The following TNR variants were observed in gnomAD, a reference collection of about 807,000 sequenced individuals.
The protein encoded by TNR is tenascin-R.
In TNR, 45 loss-of-function variants were observed where a neutral mutation model predicts 150.4. That is an observed-to-expected ratio of 0.30 (90% CI 0.24 to 0.38). The LOEUF (loss-of-function observed/expected upper bound fraction) is 0.38. TNR is among the 10% of genes least tolerant of loss of function. TNR has a pLI of 1.00. For synonymous variants in TNR, 687 were observed against 678.4 expected, an observed-to-expected ratio of 1.01 and a Z score of -0.20; for missense variants, 1,544 against 1,759.1, an observed-to-expected ratio of 0.88 and a Z score of 2.19.
chr1:175,667,634 C>G (rs1286519152), intron 1 of TNR, among the ~76,000 whole-genome samples: 1 of 152,294 alleles, frequency 6.6e-6, no homozygotes, highest in East Asian at 1.9e-4. Flanking sequence ...CTGGGAGATA[C>G]AGCAGCGAGA....
At chr1:175,717,926 C>A (rs537115093) in intron 1 of TNR, among the ~76,000 whole-genome samples, 4 of 152,308 alleles carry the variant, frequency 2.6e-5, no homozygotes, top group African/African-American at 9.6e-5. Context: ...CAGCTTCCCC[C>A]AGCAAGTGCT....
chr1:175,609,152 C>T (rs936315681), intron 1 of TNR, among the ~76,000 whole-genome samples: 1 of 152,200 alleles, frequency 6.6e-6, no homozygotes, highest in African/African-American at 2.4e-5. Flanking sequence ...GAGCTAAATA[C>T]TGGATGCACA....
chr1:175,322,851 T>C lies in TNR; in HGVS notation c.*506A>G, dbSNP rs1397445752. ...AAGGAAGGAAGGAAGGAAAAGAACC[T>C]GGGTTGTTGGGATGCGGTGTAGTTG... On this transcript the variant is annotated 3_prime_UTR_variant, in exon 23 of 23. Coordinates refer to ENST00000367674, the MANE Select transcript of TNR (RefSeq NM_003285.3). The C allele has an allele frequency of 6.6e-6, 1 of 151,882 alleles. No individual in the cohort carries two copies. The highest frequency in any genetic ancestry group is 1.5e-5 in the Non-Finnish European group (1 of 68,006). 9.4% of individuals were successfully genotyped at this position (151,882 alleles called of 1,614,324 possible). A position where few individuals can be genotyped will look rare whatever the true frequency, so the allele number is the denominator to read the frequency against.
chr1:175,567,857 G>T (rs1661703828), intron 1 of TNR, among the ~76,000 whole-genome samples: 1 of 151,920 alleles, frequency 6.6e-6, no homozygotes, highest in African/African-American at 2.4e-5. Context: ...GCTTCTGCCA[G>T]TCTCACAATT....
At chr1:175,403,007 G>A in intron 4 of TNR, 133 bp downstream of exon 4, 1 of 784,962 alleles carries the variant, frequency 1.3e-6, no homozygotes, top group East Asian at 2.5e-5. Context: ...AAGCAAATGA[G>A]TACAACTCAA....
intron 1 of TNR, among the ~76,000 whole-genome samples, chr1:175,699,584 G>A (rs1392274695): frequency 6.6e-6 from 1 of 152,092 alleles, no homozygotes; most frequent in Admixed American, 6.5e-5. Context: ...GGGAAGATGG[G>A]GAGAGGGACA....
chr1:175,591,758 T>G (rs1662807726), intron 1 of TNR, among the ~76,000 whole-genome samples: 1 of 152,224 alleles, frequency 6.6e-6, no homozygotes, highest in African/African-American at 2.4e-5. Flanking sequence ...ATTCTCTAAC[T>G]GGGTTCATGG....
At chr1:175,473,619 T>C (rs1657393222) in intron 2 of TNR, among the ~76,000 whole-genome samples, 1 of 152,172 alleles carries the variant, frequency 6.6e-6, no homozygotes. Flanking sequence ...TACAGAGCCT[T>C]GGACATGGGA....
At chr1:175,370,617 A>G (rs1264542004) in intron 9 of TNR, among the ~76,000 whole-genome samples, 4 of 152,132 alleles carry the variant, frequency 2.6e-5, no homozygotes, top group African/African-American at 7.2e-5. Flanking sequence ...ATCTCCATCA[A>G]TATGTTCAGT....
intron 2 of TNR, among the ~76,000 whole-genome samples, chr1:175,487,834 GTTA>G (rs1195859939): frequency 6.6e-6 from 1 of 152,128 alleles, no homozygotes. Context: ...TGTTATTTTA[GTTA>G]TTATTCTTAA....
intron 1 of TNR, among the ~76,000 whole-genome samples, chr1:175,666,863 C>T (rs1350727175): frequency 1.3e-5 from 2 of 152,336 alleles, no homozygotes; most frequent in Admixed American, 6.5e-5. Flanking sequence ...CCTCCCACCT[C>T]AGCCTCTCCA....
chr1:175,735,260 C>G (rs1209164056), intron 1 of TNR, among the ~76,000 whole-genome samples: 1 of 152,226 alleles, frequency 6.6e-6, no homozygotes, highest in East Asian at 1.9e-4. Context: ...TCTCCTCTGT[C>G]TGCCTGTGCC....
At chr1:175,580,973 T>C (rs1662329243) in intron 1 of TNR, among the ~76,000 whole-genome samples, 1 of 152,160 alleles carries the variant, frequency 6.6e-6, no homozygotes, top group African/African-American at 2.4e-5. Context: ...AAAAACTGTG[T>C]GAAAAGGTAG....
At chr1:175,479,546 G>GT (rs772069043) in intron 2 of TNR, among the ~76,000 whole-genome samples, 1 of 152,072 alleles carries the variant, frequency 6.6e-6, no homozygotes. Flanking sequence ...AAATTCTCAA[G>GT]TTTTCCATGA....
chr1:175,434,539 T>G (rs1231678753), intron 2 of TNR, among the ~76,000 whole-genome samples: 1 of 152,150 alleles, frequency 6.6e-6, no homozygotes, highest in East Asian at 1.9e-4. Context: ...CAAAAAAAGT[T>G]TATCAAGTTA....
intron 1 of TNR, among the ~76,000 whole-genome samples, chr1:175,713,051 G>A (rs914519100): frequency 2.6e-5 from 4 of 152,168 alleles, no homozygotes; most frequent in African/African-American, 9.7e-5. Context: ...AGTCCATAAG[G>A]AGCCTCGCAG....
chr1:175,531,847 G>A (rs573382029), intron 1 of TNR, among the ~76,000 whole-genome samples: 2 of 152,356 alleles, frequency 1.3e-5, no homozygotes, highest in South Asian at 4.1e-4. Context: ...CCATCAGAGG[G>A]GATTGGCTTG....
At chr1:175,477,803 A>G (rs1480469102) in intron 2 of TNR, among the ~76,000 whole-genome samples, 1 of 152,244 alleles carries the variant, frequency 6.6e-6, no homozygotes, top group African/African-American at 2.4e-5. Flanking sequence ...GGGCTGGAAG[A>G]AAGCGTTACA....
intron 18 of TNR, among the ~76,000 whole-genome samples, chr1:175,352,589 G>C (rs1259551788): frequency 6.6e-6 from 1 of 152,180 alleles, no homozygotes; most frequent in Non-Finnish European, 1.5e-5. Context: ...CTTTGCAAGA[G>C]CATGGAGGGG....
Sources: allele counts gnomAD v4.1 joint callset (sites outside exome capture counted in the v4.1 genomes callset), GRCh38; gene constraint gnomAD v4.1.1; transcripts MANE v1.5; gene names NCBI Gene and HGNC (gene_info 2026-07-23, HGNC 2026-07-21).